The following CFH variants were observed in gnomAD, a reference collection of about 807,000 sequenced individuals.
The protein encoded by CFH is H factor 1 (complement).
A neutral mutation model predicts 147.3 loss-of-function variants in CFH; 53 were observed. That is an observed-to-expected ratio of 0.36 (90% CI 0.29 to 0.45). The LOEUF (loss-of-function observed/expected upper bound fraction) is 0.45, where lower values mean the gene tolerates loss of function less well. Among genes scored for constraint, CFH ranks in the 20% least tolerant of loss-of-function variants. CFH has a pLI of 1.00. For missense variants in CFH, 1,380 were observed against 1,498.0 expected, an observed-to-expected ratio of 0.92 and a Z score of 1.30; for synonymous variants, 536 against 489.4, an observed-to-expected ratio of 1.10 and a Z score of -1.26.
intron 1 of CFH, among the ~76,000 whole-genome samples, chr1:196,662,188 T>A (rs552102033): frequency 2.0e-5 from 3 of 152,338 alleles, no homozygotes; most frequent in South Asian, 4.1e-4. Context: ...CACCAACATT[T>A]AGATTAGTTT....
intron 1 of CFH, among the ~76,000 whole-genome samples, chr1:196,670,929 T>A (rs1482713055): frequency 6.6e-6 from 1 of 152,196 alleles, no homozygotes; most frequent in Admixed American, 6.5e-5. Context: ...CAATTAAACA[T>A]GTTTTATAAC....
At chr1:196,663,476 TTTCTC>T (rs1425636002) in intron 1 of CFH, among the ~76,000 whole-genome samples, 3 of 152,202 alleles carry the variant, frequency 2.0e-5, no homozygotes, top group African/African-American at 4.8e-5. Context: ...TAGTCAAACT[TTTCTC>T]TTACATTTAA....
intron 1 of CFH, among the ~76,000 whole-genome samples, chr1:196,656,375 G>A (rs1666692247): frequency 6.6e-6 from 1 of 151,694 alleles, no homozygotes; most frequent in Non-Finnish European, 1.5e-5. Context: ...AGAAACTCCT[G>A]AACTGTAACA....
At chr1:196,706,462 C>T (rs897200235) in intron 9 of CFH, among the ~76,000 whole-genome samples, 1 of 151,654 alleles carries the variant, frequency 6.6e-6, no homozygotes. Flanking sequence ...GAAAAAAATG[C>T]CCAAAGCCTT....
chr1:196,657,037 G>A (rs1417353107), intron 1 of CFH, among the ~76,000 whole-genome samples: 3 of 152,014 alleles, frequency 2.0e-5, no homozygotes, highest in Admixed American at 6.6e-5. Flanking sequence ...GAGTGCCCAC[G>A]CTGGAGTGCA....
intron 9 of CFH, among the ~76,000 whole-genome samples, chr1:196,701,951 C>T (rs535309777): frequency 3.9e-5 from 6 of 152,118 alleles, no homozygotes; most frequent in South Asian, 2.1e-4. Context: ...GCTTACAGTA[C>T]GATCCTGTAG....
intron 17 of CFH, among the ~76,000 whole-genome samples, chr1:196,739,834 A>T (rs1184942292): frequency 6.6e-6 from 1 of 152,174 alleles, no homozygotes; most frequent in Non-Finnish European, 1.5e-5. Context: ...AATTTACTGT[A>T]TTAGTCTGTT....
chr1:196,713,032 T>A (rs529329686), intron 9 of CFH, among the ~76,000 whole-genome samples: 13 of 152,108 alleles, frequency 8.5e-5, no homozygotes, highest in African/African-American at 2.9e-4. Flanking sequence ...AACATTTGGG[T>A]TGGTTCCAAG....
chr1:196,744,676 A>T (rs145956316), intron 20 of CFH, among the ~76,000 whole-genome samples: 19 of 152,292 alleles, frequency 1.2e-4, no homozygotes, highest in African/African-American at 4.6e-4. Context: ...GCATACATTG[A>T]GCTCCATATT....
intron 1 of CFH, among the ~76,000 whole-genome samples, chr1:196,653,215 T>C (rs1261320452): frequency 6.6e-6 from 1 of 151,864 alleles, no homozygotes; most frequent in Middle Eastern, 3.7e-3. Context: ...ATATGTTTAA[T>C]ACCTTTTGAA....
At chr1:196,699,009 CATGGTAAAAACACTCA>C (rs1305392906) in intron 9 of CFH, among the ~76,000 whole-genome samples, 2 of 152,172 alleles carry the variant, frequency 1.3e-5, no homozygotes, top group African/African-American at 4.8e-5. Flanking sequence ...AACACCCCTT[CATGGTAAAAACACTCA>C]ATAAACTAGG....
intron 9 of CFH, among the ~76,000 whole-genome samples, chr1:196,696,019 T>C (rs1345985424): frequency 2.6e-5 from 4 of 151,932 alleles, no homozygotes; most frequent in African/African-American, 9.7e-5. Flanking sequence ...GATTGTCTGG[T>C]CCAAAACTCC....
intron 17 of CFH, 64 bp from the exon 18 acceptor site, chr1:196,740,555 A>C (rs1652774931): frequency 6.8e-7 from 1 of 1,479,444 alleles, no homozygotes. Context: ...ACTTAATATT[A>C]AAACAGGCAT....
In CFH at chr1:196,713,713, TTC is replaced by T; in HGVS notation, c.1337-20_1337-19del. ...TGTTATTGATCATATGCTTGTCTTTTTCTTATTCTCTTCCCTTTTAGAAACAT... is the reference window on the plus strand; with the variant it reads ...TGTTATTGATCATATGCTTGTCTTTTTTATTCTCTTCCCTTTTAGAAACAT... On this transcript the variant is annotated intron_variant, in intron 9 of 21. Coordinates refer to ENST00000367429, the MANE Select transcript of CFH (RefSeq NM_000186.4). 6.8e-7 allele frequency: 1 copy of T among 1,464,924 alleles called. No individual in the cohort carries two copies. Among genetic ancestry groups the T allele is most frequent in the Non-Finnish European group, 9.5e-7 (1 of 1,050,780 alleles). 90.7% of individuals were successfully genotyped at this position (1,464,924 alleles called of 1,614,324 possible).
At chr1:196,722,631 T>C (rs1017852645) in intron 11 of CFH, among the ~76,000 whole-genome samples, 5 of 152,180 alleles carry the variant, frequency 3.3e-5, no homozygotes, top group African/African-American at 1.2e-4. Flanking sequence ...GATTTCTATG[T>C]CTCTAGCAAG....
At chr1:196,687,599 GA>G (rs1667871814) in intron 7 of CFH, among the ~76,000 whole-genome samples, 1 of 151,860 alleles carries the variant, frequency 6.6e-6, no homozygotes, top group Non-Finnish European at 1.5e-5. Context: ...CATTTAATGT[GA>G]AATTCAATTG....
intron 15 of CFH, among the ~76,000 whole-genome samples, chr1:196,730,506 T>C (rs1054250403): frequency 6.6e-6 from 1 of 151,894 alleles, no homozygotes; most frequent in African/African-American, 2.4e-5. Flanking sequence ...ACATATAACA[T>C]ATTCTGGGGA....
chr1:196,654,325 GCTTT>G (rs1169781034), intron 1 of CFH, among the ~76,000 whole-genome samples: 1 of 151,938 alleles, frequency 6.6e-6, no homozygotes, highest in Non-Finnish European at 1.5e-5. Flanking sequence ...TGTAATTTCA[GCTTT>G]CTATTTGTTT....
chr1:196,698,737 C>T (rs778273848), intron 9 of CFH, among the ~76,000 whole-genome samples: 4 of 152,166 alleles, frequency 2.6e-5, no homozygotes, highest in Admixed American at 6.5e-5. Flanking sequence ...GAGCCAGCAT[C>T]ATCCTGATAC....
Sources: allele counts gnomAD v4.1 joint callset (sites outside exome capture counted in the v4.1 genomes callset), GRCh38; gene constraint gnomAD v4.1.1; transcripts MANE v1.5; gene names NCBI Gene and HGNC (gene_info 2026-07-23, HGNC 2026-07-21).